The following CAPS2 variants were observed in gnomAD, a reference collection of about 807,000 sequenced individuals.
CAPS2 encodes calcyphosine 2.
CAPS2 carries 98 observed loss-of-function variants against 86.5 expected under a neutral mutation model. That is an observed-to-expected ratio of 1.13 (90% CI 0.96 to 1.34). CAPS2 has a LOEUF of 1.34. Among genes scored for constraint, CAPS2 ranks in the 40% most tolerant of loss-of-function variants. The probability of loss-of-function intolerance (pLI) is 0.00; values close to 1 mark genes in which losing one functional copy is unlikely to be tolerated. For missense variants in CAPS2, 729 were observed against 686.8 expected, an observed-to-expected ratio of 1.06 and a Z score of -0.69; for synonymous variants, 210 against 225.1, an observed-to-expected ratio of 0.93 and a Z score of 0.60.
intron 1 of CAPS2, among the ~76,000 whole-genome samples, chr12:75,358,109 C>CA (rs1169119466): frequency 6.6e-6 from 1 of 150,772 alleles, no homozygotes. Flanking sequence ...CCATACTGAT[C>CA]AAAAAAAGAT....
intron 8 of CAPS2, among the ~76,000 whole-genome samples, chr12:75,300,284 C>T (rs1423200251): frequency 8.6e-5 from 13 of 151,860 alleles, no homozygotes; most frequent in African/African-American, 2.7e-4. Flanking sequence ...CGGCCGGGCG[C>T]GGTGGCTCAC....
In CAPS2 at chr12:75,311,796, G is replaced by A. The variant is rs192614854; in HGVS notation, c.659+1052C>T. ...GAGACAACTGCTGCAGATGGGTCAA[G>A]TAAACGAGAACTGAGAAATCATTAG... On this transcript the variant is annotated intron_variant, in intron 7 of 16. Coordinates refer to ENST00000393284, the Ensembl canonical transcript of CAPS2. Among the ~76,000 whole-genome samples the A allele has an allele frequency of 6.5e-3, 944 of 145,054 alleles. 6 individuals are homozygous for A. The highest frequency in any genetic ancestry group is 9.0e-3 in the Non-Finnish European group (598 of 66,674).
At chr12:75,327,735 A>G (rs1385881963), upstream of CAPS2, among the ~76,000 whole-genome samples, 3 of 151,320 alleles carry the variant, frequency 2.0e-5, no homozygotes, top group Non-Finnish European at 4.4e-5. Flanking sequence ...ATTTAATGTT[A>G]GTAATTTTCC....
intron 1 of CAPS2, among the ~76,000 whole-genome samples, chr12:75,375,974 C>A (rs993383114): frequency 9.9e-5 from 15 of 152,190 alleles, no homozygotes; most frequent in African/African-American, 3.1e-4. Flanking sequence ...GTACTCCCCT[C>A]ACAAATCTGT....
At chr12:75,306,898 TTAAAG>T (rs2038563991) in intron 7 of CAPS2, among the ~76,000 whole-genome samples, 1 of 152,098 alleles carries the variant, frequency 6.6e-6, no homozygotes, top group South Asian at 2.1e-4. Flanking sequence ...GGAGTCAATG[TTAAAG>T]TAAACATTAA....
At chr12:75,312,152 T>G (rs961205595) in intron 7 of CAPS2, among the ~76,000 whole-genome samples, 5 of 152,204 alleles carry the variant, frequency 3.3e-5, no homozygotes, top group Non-Finnish European at 7.3e-5. Flanking sequence ...TTTAGTTTTC[T>G]AAGGGGTTTT....
chr12:75,291,750 T>C, exon 13 of CAPS2: 2 of 1,552,026 alleles, frequency 1.3e-6, no homozygotes, highest in South Asian at 1.2e-5. Context: ...ATACCTTGAA[T>C]TGCTTTGAAG....
intron 6 of CAPS2, among the ~76,000 whole-genome samples, chr12:75,313,537 T>G (rs571482013): frequency 6.6e-6 from 1 of 152,360 alleles, no homozygotes; most frequent in South Asian, 2.1e-4. Context: ...CAATTCCTCT[T>G]AAACTATTTT....
chr12:75,293,555 C>A (rs1404709451), intron 11 of CAPS2, among the ~76,000 whole-genome samples, 188 bp from the exon 12 acceptor site: 2 of 152,130 alleles, frequency 1.3e-5, no homozygotes, highest in Admixed American at 1.3e-4. Flanking sequence ...CTCTGTCAAT[C>A]TCAGAAGTCT....
chr12:75,311,724 CAAAAAAAAAAAA>C (rs1188952105), intron 7 of CAPS2, among the ~76,000 whole-genome samples: 1 of 15,656 alleles, frequency 6.4e-5, no homozygotes, highest in South Asian at 2.3e-3. Flanking sequence ...AAAAAAAAAA[CAAAAAAAAAAAA>C]AAAAACCTGC....
chr12:75,379,776 T>C (rs1170077506), intron 1 of CAPS2, among the ~76,000 whole-genome samples: 2 of 151,000 alleles, frequency 1.3e-5, no homozygotes, highest in African/African-American at 4.9e-5. Context: ...GTTTTCTACC[T>C]CTTGGGAGAA....
At chr12:75,370,138 C>T (rs750054991) in intron 1 of CAPS2, 3 of 1,603,236 alleles carry the variant, frequency 1.9e-6, no homozygotes. Context: ...AGCCTTTAAT[C>T]CATTCAGCTT....
intron 1 of CAPS2, among the ~76,000 whole-genome samples, chr12:75,337,871 G>A (rs912986505): frequency 4.0e-5 from 6 of 151,762 alleles, no homozygotes; most frequent in Non-Finnish European, 7.4e-5. Flanking sequence ...AAGAATCCGG[G>A]GTTAGAGATT....
chr12:75,366,383 A>G (rs1408114168), intron 1 of CAPS2, among the ~76,000 whole-genome samples: 1 of 152,172 alleles, frequency 6.6e-6, no homozygotes, highest in Non-Finnish European at 1.5e-5. Flanking sequence ...AGAAAAGAAA[A>G]TAGAGAAGTA....
At chr12:75,299,197 A>G (rs989362705) in intron 9 of CAPS2, among the ~76,000 whole-genome samples, 1 of 152,202 alleles carries the variant, frequency 6.6e-6, no homozygotes, top group African/African-American at 2.4e-5. Context: ...TTAAAAGTGG[A>G]TATATTTACG....
rs531232238 is a variant in CAPS2, at chr12:75,316,204, G to A, written c.591+108C>T. On this transcript the variant is annotated intron_variant, in intron 6 of 16. Transcript: ENST00000393284. Reference sequence around the variant, plus strand: ...ATTTTCCATTAATGAATATTCACCCGAGTTCAAATTCAACTGTTGCAATTA... The same window carrying A: ...ATTTTCCATTAATGAATATTCACCCAAGTTCAAATTCAACTGTTGCAATTA... 47 of 1,338,126 alleles carry A rather than the reference G, an allele frequency of 3.5e-5. No homozygotes were observed. In the Admixed American group the frequency reaches 4.3e-4, roughly 12 times the overall value. 82.9% of individuals were successfully genotyped at this position (1,338,126 alleles called of 1,614,324 possible). A position where few individuals can be genotyped will look rare whatever the true frequency, so the allele number is the denominator to read the frequency against.
chr12:75,369,269 A>G (rs2044195925), intron 1 of CAPS2, among the ~76,000 whole-genome samples: 1 of 151,870 alleles, frequency 6.6e-6, no homozygotes. Context: ...CCCAGTTTAT[A>G]TTTTGTAGCA....
At chr12:75,389,919 G>A (rs952766051) in intron 1 of CAPS2, among the ~76,000 whole-genome samples, 4 of 152,110 alleles carry the variant, frequency 2.6e-5, no homozygotes, top group Non-Finnish European at 4.4e-5. Flanking sequence ...TTACTACTAT[G>A]CAGTCATAGT....
At chr12:75,330,682 A>T (rs1300169613), upstream of CAPS2, among the ~76,000 whole-genome samples, 5 of 152,190 alleles carry the variant, frequency 3.3e-5, no homozygotes, top group African/African-American at 9.7e-5. Context: ...GAATAATTGC[A>T]TATATATGTA....
Sources: allele counts gnomAD v4.1 joint callset (sites outside exome capture counted in the v4.1 genomes callset), GRCh38; gene constraint gnomAD v4.1.1; transcripts MANE v1.5; gene names NCBI Gene and HGNC (gene_info 2026-07-23, HGNC 2026-07-21).